Variants in NBPF20 observed in about 807,000 individuals in gnomAD.
NBPF20 encodes NBPF family member NBPF20.
Under a neutral mutation model 68.1 loss-of-function variants are expected in NBPF20, and 90 were observed. The observed-to-expected ratio is 1.32, with a 90% CI of 1.11 to 1.58. The LOEUF is 1.58. Among genes scored for constraint, NBPF20 ranks in the 40% most tolerant of loss-of-function variants. The pLI, the probability that NBPF20 is intolerant of heterozygous loss-of-function variation, is 0.00. For synonymous variants in NBPF20, 290 were observed against 228.1 expected, an observed-to-expected ratio of 1.27 and a Z score of -2.45; for missense variants, 816 against 601.2, an observed-to-expected ratio of 1.36 and a Z score of -3.74.
intron 2 of NBPF20, among the ~76,000 whole-genome samples, chr1:145,403,616 G>A (rs1469629909): frequency 6.6e-6 from 1 of 152,178 alleles, no homozygotes; most frequent in Non-Finnish European, 1.5e-5. Context: ...TCTGAATGCG[G>A]GGCCACTTTC....
exon 138 of NBPF20, chr1:145,290,343 C>G (rs1226447043): frequency 1.6e-4 from 24 of 148,814 alleles, no homozygotes; most frequent in African/African-American, 5.9e-4. Flanking sequence ...AGTAACCAGT[C>G]CTGATATCAT....
At chr1:145,424,780 C>T in the NBPF20 span, among the ~76,000 whole-genome samples, 1 of 152,136 alleles carries the variant, frequency 6.6e-6, no homozygotes, top group African/African-American at 2.4e-5. Flanking sequence ...TCCAACCTAC[C>T]GGAAATCCTG....
In NBPF20 at chr1:145,291,317, T is replaced by C; in HGVS notation, c.*209A>G. ...TCACTCCCGGCATGTGCTGCACAGT[T>C]ATGTGAACGTGTCACACCTAACGTG... On this transcript the variant is annotated 3_prime_UTR_variant, in exon 138 of 138. Transcript: ENST00000369373. The C allele has an allele frequency of 4.0e-6, 3 of 743,368 alleles. No homozygotes were observed. In the South Asian group the frequency reaches 5.4e-5, roughly 13 times the overall value. The allele number at this position is 743,368 out of a possible 1,614,324, so 46.0% of individuals were successfully genotyped here.
At chr1:145,398,037 C>T (rs1462334812) in intron 7 of NBPF20, among the ~76,000 whole-genome samples, 6 of 152,150 alleles carry the variant, frequency 3.9e-5, no homozygotes, top group Non-Finnish European at 8.8e-5. Context: ...GTTAACTATC[C>T]TAAACATATA....
upstream of NBPF20, among the ~76,000 whole-genome samples, chr1:145,409,891 G>T (rs1433121281): frequency 6.6e-6 from 1 of 151,338 alleles, no homozygotes. Context: ...TAATTTCCAG[G>T]CCGTTTCCCT....
chr1:145,423,548 G>A, the NBPF20 span, among the ~76,000 whole-genome samples: 5 of 151,684 alleles, frequency 3.3e-5, no homozygotes, highest in East Asian at 1.9e-4. Context: ...CATATATATC[G>A]TAGAAAGGAC....
upstream of NBPF20, among the ~76,000 whole-genome samples, chr1:145,406,224 G>A (rs1363033713): frequency 5.3e-5 from 8 of 151,202 alleles, no homozygotes; most frequent in Non-Finnish European, 8.8e-5. Context: ...GTGAGCCACC[G>A]CGCCCGGCCG....
rs781835381 is a variant in NBPF20 at position 145,292,466 on chromosome 1, T to A, written c.16612A>T (p.Lys5538Ter). ...TTTGATCTTCTTCCCCTTCTTTTCT[T>A]CCCCTTCCCCTTCTTTTCAATTTCT... Residue 5538 changes from lysine to a stop codon, truncating the protein, a stop_gained, in exon 137 of 138, where the codon AAG becomes TAG. Transcript: ENST00000369373. LOFTEE classifies it high-confidence loss of function. The A allele has an allele frequency of 7.0e-6, 5 of 714,064 alleles. 1 individual carries two copies. Among genetic ancestry groups the A allele is most frequent in the African/African-American group, 6.3e-5 (3 of 47,558 alleles). The allele number at this position is 714,064 out of a possible 1,614,324, so 44.2% of individuals were successfully genotyped here.
chr1:145,410,357 C>T (rs1553668703), upstream of NBPF20, among the ~76,000 whole-genome samples: 1 of 150,454 alleles, frequency 6.6e-6, no homozygotes, highest in Non-Finnish European at 1.5e-5. Flanking sequence ...CTCTGTCGCC[C>T]AGGCTGGAGT....
chr1:145,407,451 ACGTG>A (rs1662846008), upstream of NBPF20, among the ~76,000 whole-genome samples: 2 of 147,130 alleles, frequency 1.4e-5, no homozygotes, highest in African/African-American at 4.9e-5. Flanking sequence ...ACATGTATAT[ACGTG>A]TATACACGTA....
At chr1:145,394,868 C>T in intron 8 of NBPF20, 110 bp downstream of exon 13, 3 of 1,579,568 alleles carry the variant, frequency 1.9e-6, no homozygotes, top group Non-Finnish European at 2.6e-6. Context: ...ATAGGTTCAG[C>T]CCACGGTGAT....
intron 119 of NBPF20, among the ~76,000 whole-genome samples, chr1:145,306,286 C>G (rs1313790647): frequency 4.0e-3 from 553 of 139,820 alleles, no homozygotes; most frequent in South Asian, 8.2e-3. Flanking sequence ...CACACACACA[C>G]ACACACACAC....
intron 118 of NBPF20, among the ~76,000 whole-genome samples, chr1:145,307,198 T>C (rs1661422878): frequency 3.2e-5 from 1 of 30,842 alleles, no homozygotes; most frequent in Non-Finnish European, 5.1e-5. Flanking sequence ...AAATCATAGT[T>C]CTGTGAATTT....
chr1:145,405,200 G>T (rs782319384), exon 2 of NBPF20: 11 of 1,611,732 alleles, frequency 6.8e-6, no homozygotes, highest in Non-Finnish European at 9.3e-6. Flanking sequence ...AACTGGGGGC[G>T]CAATTTCTCG....
upstream of NBPF20, among the ~76,000 whole-genome samples, chr1:145,405,994 C>T (rs1662761558): frequency 6.6e-6 from 1 of 150,840 alleles, no homozygotes; most frequent in Non-Finnish European, 1.5e-5. Context: ...TCTAGGCTCA[C>T]TGCAAGCTCT....
At chr1:145,393,620 A>G (rs1662053171) in intron 9 of NBPF20, 2 of 791,572 alleles carry the variant, frequency 2.5e-6, no homozygotes, top group Admixed American at 2.8e-5. Flanking sequence ...TTTGCATAAA[A>G]TGTGCTCAAG....
chr1:145,393,759 A>T (rs1662064193), intron 9 of NBPF20, 125 bp downstream of exon 14: 2 of 1,505,984 alleles, frequency 1.3e-6, no homozygotes, highest in African/African-American at 1.4e-5. Context: ...AAAGCAATGT[A>T]GTAGGCATAA....
At chr1:145,292,410 C>A (rs781798065) in exon 137 of NBPF20, 2 of 688,948 alleles carry the variant, frequency 2.9e-6, no homozygotes, top group Non-Finnish European at 5.1e-6. Context: ...GATCTTCTTC[C>A]CCTTCTTTTC....
rs372492910 is a variant in NBPF20 at position 145,291,574 on chromosome 1, C to T, written c.16893G>A (p.Val5631=). Residue 5631 remains valine, a synonymous_variant, in exon 138 of 138, where the codon GTG becomes GTA. Transcript: ENST00000369373. ...TCTGGAACACCAGGTGGAGACTTGT[C>T]ACCGTCAAAGTAAAAAACCTATTGT... 522 of 1,611,972 alleles carry T rather than the reference C, an allele frequency of 3.2e-4. No homozygotes were observed. In the African/African-American group the frequency reaches 6.4e-3, roughly 20 times the overall value.
Sources: allele counts gnomAD v4.1 joint callset (sites outside exome capture counted in the v4.1 genomes callset), GRCh38; gene constraint gnomAD v4.1.1; transcripts MANE v1.5; gene names NCBI Gene and HGNC (gene_info 2026-07-23, HGNC 2026-07-21).